CPXM1: variants seen among roughly 807,000 people sequenced by gnomAD.
CPXM1 encodes the protein probable carboxypeptidase X1.
CPXM1 carries 72 observed loss-of-function variants against 80.4 expected under a neutral mutation model. That is an observed-to-expected ratio of 0.90 (90% CI 0.74 to 1.09). CPXM1 has a LOEUF of 1.09. Ranked by LOEUF, CPXM1 falls within the 50% of genes least tolerant of loss-of-function variation. The pLI is 0.00. For missense variants in CPXM1, 892 were observed against 999.4 expected (o/e 0.89, Z 1.45); for synonymous variants, 403 against 405.6 (o/e 0.99, Z 0.08).
chr20:2,794,213 G>A lies in CPXM1; in HGVS notation c.2182C>T (p.Arg728Trp), dbSNP rs367832059. 3.4e-5 allele frequency: 55 copies of A among 1,613,036 alleles called. No individual in the cohort carries two copies. The highest frequency in any genetic ancestry group is 2.9e-4 in the African/African-American group (22 of 74,882). The change falls in exon 14 of 14, where the codon CGG (arginine) becomes TGG (tryptophan). Residue 728 changes from arginine to tryptophan, a missense_variant. Physicochemically the swap from Arg to Trp is moderately radical, Grantham distance 101 (BLOSUM62 -3). Transcript: ENST00000380605. This position sits in a 1 kb window ranked among gnomAD's most constrained non-coding sequence, Gnocchi z 5.2. ...TATCAATCCTTCTGTCCCCTTAGCC[G>A]CTCCAGGCGCCTGCGAAGGTCCGGG... The part of the protein sequence containing the change: ...VPPDLRRRLE[R>W]LRGQKD
At position 2,795,627 on chromosome 20, in the gene CPXM1, G is replaced by A. The variant is rs756605193; in HGVS notation, c.1692C>T (p.Asn564=). The change falls in exon 11 of 14, where the codon AAC becomes AAT. Residue 564 remains asparagine, a synonymous_variant. Coordinates refer to ENST00000380605, the MANE Select transcript of CPXM1 (RefSeq NM_019609.5). This position sits in a 1 kb window ranked among gnomAD's most constrained non-coding sequence, Gnocchi z 5.4. ...CGGGGACCGTGTGCCAGTCAGCCCC[G>A]TTGATGATGTTGCCGTGCACGGAGA... ...QDFSVHGNII[N]GADWHTVPGS... is the part of the protein sequence containing the mutation. 68 of 1,613,886 alleles carry A rather than the reference G, an allele frequency of 4.2e-5. No individual in the cohort carries two copies. The highest frequency in any genetic ancestry group is 1.3e-4 in the East Asian group (6 of 44,890).
In CPXM1 at chr20:2,796,478, C is replaced by G. The variant is rs1420522398; in HGVS notation, c.1046-35G>C. On this transcript the variant is annotated intron_variant, in intron 8 of 13. Transcript: ENST00000380605. The surrounding 1 kb of genome is among the most constrained non-coding windows in gnomAD (Gnocchi z 6.8). ...CATGGGGGCTTGCAGCGGGTTCATG[C>G]CTGGGGCCCTGCCCTGTGCCTACCT... The G allele has an allele frequency of 7.4e-6, 12 of 1,613,166 alleles. No homozygotes were observed. Among genetic ancestry groups the G allele is most frequent in the Non-Finnish European group, 1.0e-5 (12 of 1,179,438 alleles).
Position 2,795,356 on chromosome 20 carries a change from C to G in CPXM1, c.1781G>C (p.Cys594Ser). ...TTCATTCTCGTGAGGGAACTTGTCA[C>G]AGGACAGCTCCACAGTGACCTCAAA... The part of the protein sequence containing the change: ...NCFEVTVELS[C>S]DKFPHENELP... The change falls in exon 12 of 14, where the codon TGT becomes TCT. Residue 594 changes from cysteine (C) to serine (S), a missense_variant. Around this residue, in one of 2 missense-constraint regions of CPXM1, gnomAD observed 874 missense variants for 958.4 expected, o/e 0.91. Transcript: ENST00000380605. The surrounding 1 kb of genome is among the most constrained non-coding windows in gnomAD (Gnocchi z 5.4). 1 of 1,614,198 alleles carries G rather than the reference C, an allele frequency of 6.2e-7. No individual in the cohort carries two copies. Among genetic ancestry groups the G allele is most frequent in the Non-Finnish European group, 8.5e-7 (1 of 1,180,032 alleles).
chr20:2,796,303 G>C lies in CPXM1; in HGVS notation c.1186C>G (p.Arg396Gly). 14 of 1,613,868 alleles carry C rather than the reference G, an allele frequency of 8.7e-6. No homozygotes were observed. Among genetic ancestry groups the C allele is most frequent in the Non-Finnish European group, 1.2e-5 (14 of 1,179,996 alleles). Residue 396 changes from arginine (R) to glycine (G), a missense_variant, in exon 9 of 14, where the codon CGC becomes GGC. By Grantham distance (125) the Arg-to-Gly change is moderately radical (BLOSUM62 -2). Transcript: ENST00000380605. The surrounding 1 kb of genome is among the most constrained non-coding windows in gnomAD (Gnocchi z 6.8). ...PRVTRLLSEM[R>G]IHLLPSMNPD... ...TTCATGGAGGGCAGCAGGTGAATGCGCATCTCAGAGAGCAGCCGGGTCACC... is the reference window on the plus strand; with the variant it reads ...TTCATGGAGGGCAGCAGGTGAATGCCCATCTCAGAGAGCAGCCGGGTCACC...
intron 1 of CPXM1, among the ~76,000 whole-genome samples, chr20:2,800,184 C>A (rs1328647859): frequency 6.7e-6 from 1 of 149,152 alleles, no homozygotes; most frequent in African/African-American, 2.5e-5. Flanking sequence ...CGTGTGAATG[C>A]GCGCGCGTGT....
At position 2,800,457 on chromosome 20, in the gene CPXM1, C is replaced by T. The variant is rs201928618; in HGVS notation, c.116G>A (p.Gly39Asp). ...GCTGCTATGCAGGGCCGGGGTCGAG[C>T]CTGGGACCTTGGTGGTCCCGGGCTG... ...LAQPGTTKVP[G>D]STPALHSSPA... Residue 39 changes from glycine (G) to aspartate (D), a missense_variant, in exon 1 of 14, where the codon GGC becomes GAC. Transcript: ENST00000380605. The T allele has an allele frequency of 6.7e-7, 1 of 1,490,482 alleles. No individual in the cohort carries two copies. The highest frequency in any genetic ancestry group is 8.9e-7 in the Non-Finnish European group (1 of 1,127,468). The allele number at this position is 1,490,482 out of a possible 1,614,324, so 92.3% of individuals were successfully genotyped here.
At position 2,798,419 on chromosome 20, in the gene CPXM1, A is replaced by G. The variant is rs1227647694; in HGVS notation, c.450+9T>C. ...CCTGAGACCATGGCTCCGAGCCAGG[A>G]TTACTGACCTGAATGTTGAGCCGTC... On this transcript the variant is annotated intron_variant, in intron 3 of 13. Coordinates refer to ENST00000380605, the MANE Select transcript of CPXM1 (RefSeq NM_019609.5). 11 of 1,609,912 alleles carry G rather than the reference A, an allele frequency of 6.8e-6. No homozygotes were observed. The highest frequency in any genetic ancestry group is 2.7e-5 in the African/African-American group (2 of 74,664).
chr20:2,796,816 G>A lies in CPXM1; in HGVS notation c.922-166C>T, dbSNP rs188787150. Among the ~76,000 whole-genome samples, 129 of 152,184 alleles carry A rather than the reference G, an allele frequency of 8.5e-4. 3 individuals are homozygous for A. In the East Asian group the frequency reaches 0.023, roughly 27 times the overall value. On this transcript the variant is annotated intron_variant, in intron 7 of 13. Coordinates refer to ENST00000380605, the MANE Select transcript of CPXM1 (RefSeq NM_019609.5). The surrounding 1 kb of genome is among the most constrained non-coding windows in gnomAD (Gnocchi z 6.8). ...CAGCAGAGCCGGGAGGAAGGGGTAG[G>A]ACTGGGGGGGCGCCATAATAAGGGA... is the stretch of plus-strand genomic sequence containing the variant.
At chr20:2,799,494 A>T (rs1363817581) in intron 1 of CPXM1, among the ~76,000 whole-genome samples, 1 of 152,124 alleles carries the variant, frequency 6.6e-6, no homozygotes, top group African/African-American at 2.4e-5. Flanking sequence ...GGCTCTGCCC[A>T]GGCAGGTGCT....
rs572438380 is a variant in CPXM1, at chr20:2,794,222, G to T, written c.2173C>A (p.Arg725Ser). The part of the protein sequence containing the change: ...GAKVPPDLRR[R>S]LERLRGQKD The stretch of plus-strand genomic sequence containing the variant: ...TTCTGTCCCCTTAGCCGCTCCAGGC[G>T]CCTGCGAAGGTCCGGGGGCACCTTG... Residue 725 changes from arginine (R) to serine (S), a missense_variant, in exon 14 of 14, where the codon CGC becomes AGC. This residue lies in a region of CPXM1 where 874 missense variants were observed against 958.4 expected (regional missense o/e 0.91). Transcript: ENST00000380605. This position sits in a 1 kb window ranked among gnomAD's most constrained non-coding sequence, Gnocchi z 5.2. 4 of 1,613,480 alleles carry T rather than the reference G, an allele frequency of 2.5e-6. No homozygotes were observed. The highest frequency in any genetic ancestry group is 2.5e-6 in the Non-Finnish European group (3 of 1,179,970).
chr20:2,794,214 C>T lies in CPXM1; in HGVS notation c.2181G>A (p.Glu727=). The T allele has an allele frequency of 6.2e-7, 1 of 1,613,424 alleles. No individual in the cohort carries two copies. Among genetic ancestry groups the T allele is most frequent in the Non-Finnish European group, 8.5e-7 (1 of 1,179,914 alleles). The part of the protein sequence containing the change: ...KVPPDLRRRL[E]RLRGQKD The stretch of plus-strand genomic sequence containing the variant: ...ATCAATCCTTCTGTCCCCTTAGCCG[C>T]TCCAGGCGCCTGCGAAGGTCCGGGG... The change falls in exon 14 of 14, where the codon GAG becomes GAA. Residue 727 remains glutamate (E), a synonymous_variant. Transcript: ENST00000380605. The surrounding 1 kb of genome is among the most constrained non-coding windows in gnomAD (Gnocchi z 5.2).
Position 2,794,302 on chromosome 20 carries a change from A to G in CPXM1, c.2093T>C (p.Phe698Ser). Residue 698 changes from phenylalanine (F) to serine (S), a missense_variant, in exon 14 of 14, where the codon TTC becomes TCC. Physicochemically the swap from Phe to Ser is radical, Grantham distance 155. This residue lies in a region of CPXM1 where 874 missense variants were observed against 958.4 expected (regional missense o/e 0.91). Coordinates refer to ENST00000380605, the MANE Select transcript of CPXM1 (RefSeq NM_019609.5). This position sits in a 1 kb window ranked among gnomAD's most constrained non-coding sequence, Gnocchi z 5.2. ...CTGTTTGGGAGTCTTGGTGAGCACG[A>G]AATTGCAGGGGAAGGGGCCCTCTTC... is the stretch of plus-strand genomic sequence containing the variant. Reference protein sequence around the residue: ...TFEEGPFPCNFVLTKTPKQRL... With the variant: ...TFEEGPFPCNSVLTKTPKQRL... The G allele has an allele frequency of 6.2e-7, 1 of 1,614,118 alleles. No individual in the cohort carries two copies. The highest frequency in any genetic ancestry group is 1.1e-5 in the South Asian group (1 of 91,078).
Position 2,798,508 on chromosome 20 carries a change from G to A in CPXM1, c.370C>T (p.Arg124Ter), listed in dbSNP as rs758166648. 12 of 1,613,996 alleles carry A rather than the reference G, an allele frequency of 7.4e-6. No individual in the cohort carries two copies. The highest frequency in any genetic ancestry group is 5.3e-5 in the African/African-American group (4 of 74,934). Residue 124 changes from arginine (R) to a stop codon, truncating the protein, a stop_gained, in exon 3 of 14, where the codon CGA (arginine) becomes TGA (stop). Transcript: ENST00000380605. LOFTEE classifies it high-confidence loss of function. ...GCCTCAAGCCGGCTATCTGAAACTC[G>A]CAGGGACTCCAGACCCAAAGGAGGA... ...GCPPLGLESL[R>*]VSDSRLEASS...
At position 2,798,014 on chromosome 20, in the gene CPXM1, C is replaced by A. The variant is rs759435735; in HGVS notation, c.635G>T (p.Ser212Ile). 1 of 1,614,204 alleles carries A rather than the reference C, an allele frequency of 6.2e-7. No individual in the cohort carries two copies. The highest frequency in any genetic ancestry group is 1.1e-5 in the South Asian group (1 of 91,088). The part of the protein sequence containing the change: ...TSYKVQFSND[S>I]RTWWGSRNHS... ...GTTCCTACTTCCCCACCAGGTCCGA[C>A]TGTCATTGCTGAACTGGACCTTGTA... The change falls in exon 5 of 14, where the codon AGT (serine) becomes ATT (isoleucine). Residue 212 changes from serine to isoleucine, a missense_variant. Ser to Ile is a moderately radical substitution (Grantham distance 142, BLOSUM62 -2). Coordinates refer to ENST00000380605, the MANE Select transcript of CPXM1 (RefSeq NM_019609.5).
At chr20:2,800,207 G>A (rs542575634) in intron 1 of CPXM1, among the ~76,000 whole-genome samples, 194 bp downstream of exon 1, 1 of 151,604 alleles carries the variant, frequency 6.6e-6, no homozygotes, top group East Asian at 1.9e-4. Context: ...GTGCAAGTGT[G>A]CGCGTGTGTG....
rs1329359506 is a variant in CPXM1 at position 2,795,536 on chromosome 20, G to A, written c.1720+63C>T. 8.8e-6 allele frequency: 14 copies of A among 1,589,060 alleles called. No individual in the cohort carries two copies. The highest frequency in any genetic ancestry group is 1.7e-4 in the Middle Eastern group (1 of 5,890). On this transcript the variant is annotated intron_variant, in intron 11 of 13. Transcript: ENST00000380605. This position sits in a 1 kb window ranked among gnomAD's most constrained non-coding sequence, Gnocchi z 5.4. ...ACAGACGCCAGCACTGTACGCAACC[G>A]CAGGCTGTCTTATCAGGGCGGGGGT...
intron 1 of CPXM1, 112 bp from the exon 2 acceptor site, chr20:2,799,005 G>T: frequency 9.2e-7 from 1 of 1,083,834 alleles, no homozygotes; most frequent in Non-Finnish European, 1.3e-6. Context: ...ACACCACCAG[G>T]ATCTAACAGC....
chr20:2,795,252 C>G lies in CPXM1; in HGVS notation c.1860+25G>C, dbSNP rs760122188. The G allele has an allele frequency of 2.2e-5, 36 of 1,608,210 alleles. No homozygotes were observed. In the East Asian group the frequency reaches 7.1e-4, roughly 32 times the overall value. Reference sequence around the variant, plus strand: ...GGACAGCAGGAGTGATTCAGGCAGGCTGGGGGCCGGGACGCAGATCCGACC... The same window carrying G: ...GGACAGCAGGAGTGATTCAGGCAGGGTGGGGGCCGGGACGCAGATCCGACC... On this transcript the variant is annotated intron_variant, in intron 12 of 13. Coordinates refer to ENST00000380605, the MANE Select transcript of CPXM1 (RefSeq NM_019609.5). The surrounding 1 kb of genome is among the most constrained non-coding windows in gnomAD (Gnocchi z 5.4).
At chr20:2,800,162 T>C (rs1024268656) in intron 1 of CPXM1, among the ~76,000 whole-genome samples, 21 of 149,010 alleles carry the variant, frequency 1.4e-4, no homozygotes, top group African/African-American at 4.4e-4. Flanking sequence ...TGAGTGTGCG[T>C]GTGTGTGCAT....
Sources: allele counts gnomAD v4.1 joint callset (sites outside exome capture counted in the v4.1 genomes callset), GRCh38; gene constraint gnomAD v4.1.1; regional missense constraint gnomAD v4.1.1; non-coding constraint Gnocchi (gnomAD v3.1); transcripts MANE v1.5; gene names NCBI Gene and HGNC (gene_info 2026-07-23, HGNC 2026-07-21).